Variants in SOX6 observed in about 807,000 individuals in gnomAD.
SOX6 encodes SRY-box transcription factor 6.
A neutral mutation model predicts 97.8 loss-of-function variants in SOX6; 11 were observed. The observed-to-expected ratio is 0.11, with a 90% confidence interval of 0.07 to 0.19. The LOEUF is 0.19. Ranked by LOEUF, SOX6 falls within the 10% of genes least tolerant of loss-of-function variation. The pLI is 1.00. For missense variants in SOX6, 810 were observed against 1,039.5 expected (o/e 0.78, Z 3.04); for synonymous variants, 360 against 371.4 (o/e 0.97, Z 0.35).
chr11:16,447,359 T>C (rs1859631812), intron 1 of SOX6, among the ~76,000 whole-genome samples: 1 of 152,160 alleles, frequency 6.6e-6, no homozygotes, highest in South Asian at 2.1e-4. Context: ...GCCCCAATTA[T>C]AAAAATGGGT....
At chr11:16,583,768 C>G (rs969121363) in intron 4 of SOX6, among the ~76,000 whole-genome samples, 9 of 151,188 alleles carry the variant, frequency 6.0e-5, no homozygotes, top group Non-Finnish European at 1.3e-4. Flanking sequence ...TTTCCTTTGA[C>G]TAGATACCAA....
intron 3 of SOX6, among the ~76,000 whole-genome samples, chr11:16,671,818 C>T (rs1380169741): frequency 6.6e-6 from 1 of 152,186 alleles, no homozygotes; most frequent in Non-Finnish European, 1.5e-5. Context: ...AGATTCTACA[C>T]AAGAATATCA....
Position 16,672,662 on chromosome 11 carries a change from C to T in SOX6, n.429+42168G>A, listed in dbSNP as rs187231172. 3.1e-3 allele frequency among the ~76,000 whole-genome samples: 476 copies of T among 152,284 alleles called. 4 individuals are homozygous for T. The highest frequency in any genetic ancestry group is 0.011 in the African/African-American group (449 of 41,552). ...AATTCAACCACCTCCCACCAGGTTC[C>T]TCCCATGACACATGGGAATTGTGAG... is the stretch of plus-strand genomic sequence containing the variant. On this transcript the variant is annotated intron_variant and non_coding_transcript_variant, in intron 3 of 5. Coordinates refer to the SOX6 transcript ENST00000524520.
At chr11:16,652,518 C>T (rs1847667953) in intron 3 of SOX6, among the ~76,000 whole-genome samples, 1 of 152,014 alleles carries the variant, frequency 6.6e-6, no homozygotes, top group Non-Finnish European at 1.5e-5. Context: ...GAGCAAAGGA[C>T]ACCTTATTTA....
chr11:16,475,804 A>T (rs1013022541), intron 1 of SOX6, among the ~76,000 whole-genome samples: 3 of 152,208 alleles, frequency 2.0e-5, no homozygotes, highest in Non-Finnish European at 2.9e-5. Context: ...CTTAAAAAAA[A>T]ATCTGCAAAG....
chr11:16,465,099 CACA>C (rs963147675), intron 1 of SOX6, among the ~76,000 whole-genome samples: 11 of 152,110 alleles, frequency 7.2e-5, no homozygotes, highest in African/African-American at 2.2e-4. Context: ...TTTGTTCAAC[CACA>C]TTGTCTCAAA....
At chr11:16,638,899 C>T (rs538583871) in intron 3 of SOX6, among the ~76,000 whole-genome samples, 3 of 152,092 alleles carry the variant, frequency 2.0e-5, no homozygotes, top group East Asian at 3.9e-4. Flanking sequence ...AGTTTCTTTT[C>T]CTGTGCAGAA....
chr11:15,975,406 T>C (rs918533169), intron 15 of SOX6, among the ~76,000 whole-genome samples: 3 of 152,198 alleles, frequency 2.0e-5, no homozygotes, highest in Admixed American at 2.0e-4. Context: ...TTTACTGCAA[T>C]GTTAACCCAT....
At chr11:16,496,778 C>T (rs1860605363) in intron 4 of SOX6, among the ~76,000 whole-genome samples, 1 of 152,166 alleles carries the variant, frequency 6.6e-6, no homozygotes, top group Non-Finnish European at 1.5e-5. Context: ...GGGAGGGGCA[C>T]ACACCACTGC....
intron 3 of SOX6, among the ~76,000 whole-genome samples, chr11:16,272,656 T>C (rs1866110): frequency 0.78 from 118,626 of 151,656 alleles, 46,533 homozygotes; most frequent in Non-Finnish European, 0.8. Flanking sequence ...ATCTCAATAA[T>C]AAATAGTTCT....
chr11:16,116,515 T>A (rs1849351379), intron 6 of SOX6, among the ~76,000 whole-genome samples: 1 of 152,204 alleles, frequency 6.6e-6, no homozygotes, highest in African/African-American at 2.4e-5. Flanking sequence ...TTGGTGATAA[T>A]AATATAATTG....
At chr11:16,400,254 G>C (rs1858516283) in intron 1 of SOX6, among the ~76,000 whole-genome samples, 1 of 151,364 alleles carries the variant, frequency 6.6e-6, no homozygotes, top group South Asian at 2.1e-4. Flanking sequence ...AAAGTTTCTG[G>C]AAACAAATAG....
At chr11:16,006,981 C>T (rs1314881821) in intron 13 of SOX6, among the ~76,000 whole-genome samples, 1 of 151,912 alleles carries the variant, frequency 6.6e-6, no homozygotes, top group Non-Finnish European at 1.5e-5. Flanking sequence ...CAGAGACCCA[C>T]CTCTAAAGAG....
chr11:16,019,201 C>T (rs1022450000), intron 12 of SOX6, among the ~76,000 whole-genome samples: 4 of 152,168 alleles, frequency 2.6e-5, no homozygotes, highest in African/African-American at 9.6e-5. Context: ...CAACATGGTC[C>T]CCTTTGCCAC....
intron 1 of SOX6, among the ~76,000 whole-genome samples, chr11:16,462,632 G>GA (rs1259154888): frequency 2.0e-5 from 3 of 152,154 alleles, no homozygotes; most frequent in Non-Finnish European, 4.4e-5. Flanking sequence ...TAATAACAAT[G>GA]AAAAAAATTA....
chr11:16,523,192 C>A (rs1449568141), intron 4 of SOX6, among the ~76,000 whole-genome samples: 2 of 151,958 alleles, frequency 1.3e-5, no homozygotes, highest in Non-Finnish European at 2.9e-5. Flanking sequence ...TTTTTCAGCA[C>A]CACACCACAC....
At chr11:16,538,965 C>G (rs1405335309) in intron 4 of SOX6, among the ~76,000 whole-genome samples, 5 of 152,132 alleles carry the variant, frequency 3.3e-5, no homozygotes, top group African/African-American at 7.2e-5. Flanking sequence ...CAGCTCTGCA[C>G]CAAGTGGACC....
intron 3 of SOX6, among the ~76,000 whole-genome samples, chr11:16,674,492 G>A (rs1244160554): frequency 1.3e-5 from 2 of 152,190 alleles, no homozygotes; most frequent in African/African-American, 2.4e-5. Flanking sequence ...TCTGAAACAT[G>A]ACAAGGATGC....
intron 3 of SOX6, among the ~76,000 whole-genome samples, chr11:16,244,683 A>G (rs1018283606): frequency 1.3e-5 from 2 of 151,754 alleles, no homozygotes; most frequent in Admixed American, 6.6e-5. Flanking sequence ...TTTTTCAAAA[A>G]GATTATCTTT....
Sources: allele counts gnomAD v4.1 joint callset (sites outside exome capture counted in the v4.1 genomes callset), GRCh38; gene constraint gnomAD v4.1.1; transcripts MANE v1.5; gene names NCBI Gene and HGNC (gene_info 2026-07-23, HGNC 2026-07-21).